Variants in ROBO2 observed in about 807,000 individuals in gnomAD.
The protein encoded by ROBO2 is roundabout guidance receptor 2.
A neutral mutation model predicts 160.8 loss-of-function variants in ROBO2; 53 were observed. That is an observed-to-expected ratio of 0.33 (90% confidence interval 0.26 to 0.41). The LOEUF (loss-of-function observed/expected upper bound fraction) is 0.41. ROBO2 is among the 10% of genes least tolerant of loss of function. The probability of loss-of-function intolerance (pLI) is 1.00; values close to 1 mark genes in which losing one functional copy is unlikely to be tolerated. For synonymous variants in ROBO2, 664 were observed against 611.7 expected (o/e 1.09, Z -1.26); for missense variants, 1,577 against 1,722.4 (o/e 0.92, Z 1.49).
At chr3:77,632,371 A>G in intron 23 of ROBO2, 1 of 843,220 alleles carries the variant, frequency 1.2e-6, no homozygotes, top group Non-Finnish European at 1.7e-6. Flanking sequence ...ATGAAACTTC[A>G]AGGAAGAAGC....
chr3:76,585,211 C>T (rs1404168353), intron 2 of ROBO2, among the ~76,000 whole-genome samples: 2 of 152,106 alleles, frequency 1.3e-5, no homozygotes, highest in Non-Finnish European at 2.9e-5. Flanking sequence ...AATCATAAAA[C>T]TGGAAATTAA....
chr3:77,390,128 T>C (rs554808468), intron 2 of ROBO2, among the ~76,000 whole-genome samples: 19 of 152,290 alleles, frequency 1.2e-4, no homozygotes, highest in African/African-American at 4.3e-4. Flanking sequence ...GTAAGATCCA[T>C]GTCCTTAAGG....
At chr3:77,164,553 C>A (rs1368293561) in intron 2 of ROBO2, among the ~76,000 whole-genome samples, 2 of 144,538 alleles carry the variant, frequency 1.4e-5, no homozygotes, top group African/African-American at 5.1e-5. Context: ...CAGACCCCCG[C>A]CCGGCCAGCC....
intron 1 of ROBO2, among the ~76,000 whole-genome samples, chr3:75,932,957 A>G (rs1459667264): frequency 1.3e-5 from 2 of 152,190 alleles, no homozygotes; most frequent in Non-Finnish European, 1.5e-5. Flanking sequence ...TATACAATTT[A>G]TATACATTAC....
At chr3:77,274,801 G>T (rs994680178) in intron 2 of ROBO2, among the ~76,000 whole-genome samples, 3 of 152,048 alleles carry the variant, frequency 2.0e-5, no homozygotes, top group Admixed American at 6.6e-5. Flanking sequence ...GCATCATTTT[G>T]TGAGTGAATA....
At chr3:77,001,585 T>C (rs1045281050) in intron 2 of ROBO2, among the ~76,000 whole-genome samples, 1 of 152,046 alleles carries the variant, frequency 6.6e-6, no homozygotes, top group African/African-American at 2.4e-5. Context: ...ATGATGAAAA[T>C]TGTAACTTCT....
intron 2 of ROBO2, among the ~76,000 whole-genome samples, chr3:76,126,145 G>A (rs990069842): frequency 3.9e-5 from 6 of 152,126 alleles, no homozygotes; most frequent in Non-Finnish European, 4.4e-5. Flanking sequence ...GGGAAAAATA[G>A]CATTGTCAGT....
intron 2 of ROBO2, among the ~76,000 whole-genome samples, chr3:76,156,354 A>C (rs2072409277): frequency 1.3e-5 from 2 of 152,188 alleles, no homozygotes; most frequent in Non-Finnish European, 2.9e-5. Context: ...AAAGTTATTT[A>C]TCAGACTGCA....
intron 2 of ROBO2, among the ~76,000 whole-genome samples, chr3:76,217,341 C>A (rs1703614476): frequency 6.6e-6 from 1 of 152,048 alleles, no homozygotes; most frequent in Non-Finnish European, 1.5e-5. Flanking sequence ...AATAGAGACA[C>A]AAAAAACCTT....
chr3:76,638,541 A>G (rs1442947256), intron 2 of ROBO2, among the ~76,000 whole-genome samples: 4 of 152,156 alleles, frequency 2.6e-5, no homozygotes, highest in Non-Finnish European at 5.9e-5. Flanking sequence ...ATCTTCAACT[A>G]TCAGCTCAGG....
intron 2 of ROBO2, among the ~76,000 whole-genome samples, chr3:76,550,439 C>T (rs1365387577): frequency 6.6e-6 from 1 of 152,220 alleles, no homozygotes; most frequent in Non-Finnish European, 1.5e-5. Flanking sequence ...GAAGCAGCAG[C>T]TTGTCTGAAG....
chr3:76,922,302 C>T (rs2076717724), intron 2 of ROBO2, among the ~76,000 whole-genome samples: 1 of 152,154 alleles, frequency 6.6e-6, no homozygotes, highest in African/African-American at 2.4e-5. Context: ...CAGAGTGAAA[C>T]TCCATCAATT....
chr3:77,132,756 A>G (rs2150362850), intron 2 of ROBO2, among the ~76,000 whole-genome samples: 1 of 152,054 alleles, frequency 6.6e-6, no homozygotes, highest in Non-Finnish European at 1.5e-5. Flanking sequence ...TGTCTACAAT[A>G]CTGTGAGGCA....
At chr3:76,054,667 T>A (rs1451701604) in intron 2 of ROBO2, among the ~76,000 whole-genome samples, 1 of 152,228 alleles carries the variant, frequency 6.6e-6, no homozygotes, top group African/African-American at 2.4e-5. Flanking sequence ...ACATATTATA[T>A]TATTCAAATT....
intron 2 of ROBO2, among the ~76,000 whole-genome samples, chr3:77,387,499 T>C (rs1344910201): frequency 6.6e-6 from 1 of 152,134 alleles, no homozygotes; most frequent in Non-Finnish European, 1.5e-5. Flanking sequence ...TATCAGTCCC[T>C]AGCTTCTGCA....
intron 2 of ROBO2, among the ~76,000 whole-genome samples, chr3:76,899,128 T>G (rs2075037860): frequency 6.6e-6 from 1 of 152,106 alleles, no homozygotes; most frequent in Non-Finnish European, 1.5e-5. Context: ...TTATAGCCAA[T>G]CATCTCGTAT....
chr3:76,882,208 T>A (rs1307602246), intron 2 of ROBO2, among the ~76,000 whole-genome samples: 2 of 151,902 alleles, frequency 1.3e-5, no homozygotes, highest in Non-Finnish European at 2.9e-5. Context: ...TGGTTGTAGG[T>A]TTGGGTTTGT....
At chr3:77,117,044 A>G (rs1207975740) in intron 2 of ROBO2, among the ~76,000 whole-genome samples, 1 of 152,166 alleles carries the variant, frequency 6.6e-6, no homozygotes, top group African/African-American at 2.4e-5. Context: ...CAGAAATCAG[A>G]CGAGTTCTGC....
chr3:76,354,513 A>G (rs138793295), intron 2 of ROBO2, among the ~76,000 whole-genome samples: 1,638 of 152,020 alleles, frequency 0.011, 25 homozygotes, highest in African/African-American at 0.037. Flanking sequence ...ATGATTACTT[A>G]GAGCCCTCAC....
Sources: allele counts gnomAD v4.1 joint callset (sites outside exome capture counted in the v4.1 genomes callset), GRCh38; gene constraint gnomAD v4.1.1; transcripts MANE v1.5; gene names NCBI Gene and HGNC (gene_info 2026-07-23, HGNC 2026-07-21).